Variants in ZNF385D observed in about 807,000 individuals in gnomAD.
ZNF385D encodes the protein zinc finger protein 385D, also known as zinc finger protein 659.
ZNF385D carries 15 observed loss-of-function variants against 35.8 expected under a neutral mutation model. That is an observed-to-expected ratio of 0.42 (90% confidence interval 0.28 to 0.64). ZNF385D has a LOEUF of 0.64. ZNF385D is among the 30% of genes least tolerant of loss of function. The pLI is 0.23. For missense variants in ZNF385D, 474 were observed against 494.6 expected (o/e 0.96, Z 0.39); for synonymous variants, 212 against 186.8 (o/e 1.13, Z -1.10).
At chr3:22,208,777 T>C (rs1559453436) in intron 2 of ZNF385D, among the ~76,000 whole-genome samples, 1 of 151,858 alleles carries the variant, frequency 6.6e-6, no homozygotes, top group Non-Finnish European at 1.5e-5. Flanking sequence ...AAATGTGTTA[T>C]CAGCCATGTG....
Position 22,086,489 on chromosome 3 carries a change from T to C in ZNF385D, c.325+82328A>G, listed in dbSNP as rs577828531. Among the ~76,000 whole-genome samples the C allele has an allele frequency of 6.2e-4, 94 of 151,812 alleles. 1 individual carries two copies. The highest frequency in any genetic ancestry group is 2.1e-3 in the African/African-American group (87 of 41,398). On this transcript the variant is annotated intron_variant, in intron 3 of 5. Coordinates refer to the ZNF385D transcript ENST00000494108. ...ATAAAATACCTAGGAATCCAACTTA[T>C]AAGGGATGTGAAGGACCTCTTCAAG...
rs186769257 is a variant in ZNF385D, at chr3:21,522,949, T to C, written c.277-11926A>G. Among the ~76,000 whole-genome samples the C allele has an allele frequency of 3.2e-3, 489 of 152,302 alleles. 1 individual carries two copies. Among genetic ancestry groups the C allele is most frequent in the Non-Finnish European group, 5.5e-3 (374 of 68,034 alleles). Reference sequence around the variant, plus strand: ...ACTATCCACCGGTAGTATTTAGTTGTCCTTGGTAGGATTTTGGCCAGAGGA... The same window carrying C: ...ACTATCCACCGGTAGTATTTAGTTGCCCTTGGTAGGATTTTGGCCAGAGGA... On this transcript the variant is annotated intron_variant, in intron 3 of 7. Coordinates refer to ENST00000281523, the MANE Select transcript of ZNF385D (RefSeq NM_024697.3).
intron 2 of ZNF385D, among the ~76,000 whole-genome samples, chr3:21,568,513 G>T (rs919656377): frequency 1.3e-5 from 2 of 152,064 alleles, no homozygotes; most frequent in African/African-American, 2.4e-5. Context: ...TTATCGTCAA[G>T]AATTTTTCTA....
At chr3:21,438,712 G>A (rs1289252078) in intron 4 of ZNF385D, among the ~76,000 whole-genome samples, 1 of 152,064 alleles carries the variant, frequency 6.6e-6, no homozygotes, top group Non-Finnish European at 1.5e-5. Context: ...AGATCATCAA[G>A]TAAGTCTCTT....
intron 2 of ZNF385D, among the ~76,000 whole-genome samples, chr3:22,209,292 A>G (rs1281589368): frequency 6.6e-6 from 1 of 151,998 alleles, no homozygotes; most frequent in Non-Finnish European, 1.5e-5. Context: ...GTTTAGTCTT[A>G]TAAATACAAT....
intron 3 of ZNF385D, among the ~76,000 whole-genome samples, chr3:21,863,901 C>T (rs545647302): frequency 1.3e-5 from 2 of 152,228 alleles, no homozygotes; most frequent in African/African-American, 2.4e-5. Flanking sequence ...TTAATGCGCA[C>T]ATGAATCACC....
chr3:21,964,470 ATTTTTTTTTTTTTTT>A (rs377650103), intron 3 of ZNF385D, among the ~76,000 whole-genome samples: 19 of 68,160 alleles, frequency 2.8e-4, no homozygotes, highest in African/African-American at 9.1e-4. Flanking sequence ...AATTTCTCAG[ATTTTTTTTTTTTTTT>A]TTTTTTTTTT....
chr3:21,604,184 C>T (rs6773155), intron 2 of ZNF385D, among the ~76,000 whole-genome samples: 92,887 of 151,900 alleles, frequency 0.61, 29,061 homozygotes, highest in African/African-American at 0.74. Flanking sequence ...AAAGATAATA[C>T]CAATAGAGGG....
At chr3:22,090,942 G>A (rs1192827968) in intron 3 of ZNF385D, among the ~76,000 whole-genome samples, 1 of 152,112 alleles carries the variant, frequency 6.6e-6, no homozygotes, top group Non-Finnish European at 1.5e-5. Context: ...ATGCTCAGGA[G>A]GAACAGGTAT....
At chr3:22,006,486 G>T (rs1224728631) in intron 3 of ZNF385D, among the ~76,000 whole-genome samples, 3 of 152,014 alleles carry the variant, frequency 2.0e-5, no homozygotes, top group Non-Finnish European at 4.4e-5. Flanking sequence ...ATATACAAAT[G>T]ATTTGGAATA....
At chr3:21,865,734 C>T (rs889634869) in intron 3 of ZNF385D, among the ~76,000 whole-genome samples, 4 of 152,004 alleles carry the variant, frequency 2.6e-5, no homozygotes, top group African/African-American at 9.7e-5. Flanking sequence ...GAATTTTGTT[C>T]CCATTAAAAT....
intron 2 of ZNF385D, among the ~76,000 whole-genome samples, chr3:22,204,979 CA>C (rs761954306): frequency 0.13 from 11,686 of 92,934 alleles, 528 homozygotes; most frequent in African/African-American, 0.2. Flanking sequence ...TGACCAAATC[CA>C]AAAAAAAAAA....
At chr3:22,005,341 AT>A (rs1480080382) in intron 3 of ZNF385D, among the ~76,000 whole-genome samples, 1 of 152,078 alleles carries the variant, frequency 6.6e-6, no homozygotes, top group Non-Finnish European at 1.5e-5. Flanking sequence ...GTCAGTGGAA[AT>A]ATAAATTAAC....
At chr3:22,082,141 G>A (rs1331001381) in intron 3 of ZNF385D, among the ~76,000 whole-genome samples, 2 of 152,038 alleles carry the variant, frequency 1.3e-5, no homozygotes, top group Non-Finnish European at 2.9e-5. Context: ...GATTGACGCA[G>A]CAGATGGGTG....
intron 3 of ZNF385D, among the ~76,000 whole-genome samples, chr3:22,014,087 A>G (rs1489292706): frequency 6.6e-6 from 1 of 152,170 alleles, no homozygotes; most frequent in Non-Finnish European, 1.5e-5. Context: ...TAAATGTATA[A>G]TTTATATATT....
intron 2 of ZNF385D, among the ~76,000 whole-genome samples, chr3:22,256,609 T>C (rs1459610707): frequency 6.6e-6 from 1 of 151,942 alleles, no homozygotes; most frequent in Non-Finnish European, 1.5e-5. Flanking sequence ...AATCATCGTA[T>C]CTGTCACAAA....
chr3:21,527,142 G>C (rs549599490), intron 3 of ZNF385D, among the ~76,000 whole-genome samples: 4 of 152,206 alleles, frequency 2.6e-5, no homozygotes, highest in Admixed American at 1.3e-4. Context: ...CAGACTTTCA[G>C]GGATATATTT....
intron 3 of ZNF385D, among the ~76,000 whole-genome samples, chr3:21,802,501 T>C (rs944529684): frequency 8.5e-5 from 13 of 152,112 alleles, no homozygotes; most frequent in Non-Finnish European, 1.5e-4. Flanking sequence ...CTTGAACCAG[T>C]ACCTTATCTT....
At chr3:21,536,518 C>T (rs896459627) in intron 3 of ZNF385D, among the ~76,000 whole-genome samples, 3 of 151,920 alleles carry the variant, frequency 2.0e-5, no homozygotes, top group African/African-American at 7.3e-5. Context: ...TAAAAGAAGG[C>T]TTGGATGTAT....
Sources: allele counts gnomAD v4.1 joint callset (sites outside exome capture counted in the v4.1 genomes callset), GRCh38; gene constraint gnomAD v4.1.1; transcripts MANE v1.5; gene names NCBI Gene and HGNC (gene_info 2026-07-23, HGNC 2026-07-21).